ROBO2: variants seen among roughly 807,000 people sequenced by gnomAD.
The protein encoded by ROBO2 is roundabout guidance receptor 2.
Under a neutral mutation model 160.8 loss-of-function variants are expected in ROBO2, and 53 were observed. The ratio of observed to expected loss-of-function variants is 0.33; its 90% CI spans 0.26 to 0.41. The LOEUF is 0.41. Ranked by LOEUF, ROBO2 falls within the 10% of genes least tolerant of loss-of-function variation. ROBO2 has a pLI of 1.00. For missense variants in ROBO2, 1,577 were observed against 1,722.4 expected, an observed-to-expected ratio of 0.92 and a Z score of 1.49; for synonymous variants, 664 against 611.7, an observed-to-expected ratio of 1.09 and a Z score of -1.26.
intron 2 of ROBO2, among the ~76,000 whole-genome samples, chr3:76,255,863 A>G (rs906277547): frequency 1.3e-5 from 2 of 152,116 alleles, no homozygotes; most frequent in Non-Finnish European, 2.9e-5. Flanking sequence ...AATAAAATGA[A>G]TCAGTAGTAG....
chr3:76,129,736 A>T (rs1214041840), intron 2 of ROBO2, among the ~76,000 whole-genome samples: 2 of 152,100 alleles, frequency 1.3e-5, no homozygotes, highest in Admixed American at 1.3e-4. Flanking sequence ...TAGAGTCAGT[A>T]ATCTTGATGA....
At chr3:77,042,138 C>A (rs1012856841) in intron 1 of ROBO2, among the ~76,000 whole-genome samples, 10 of 152,172 alleles carry the variant, frequency 6.6e-5, no homozygotes, top group Non-Finnish European at 1.5e-4. Flanking sequence ...ACATGAGTAC[C>A]TTTGCCCCCC....
chr3:76,079,110 T>C (rs1253834160), intron 2 of ROBO2, among the ~76,000 whole-genome samples: 2 of 152,082 alleles, frequency 1.3e-5, no homozygotes, highest in African/African-American at 4.8e-5. Flanking sequence ...ATTGATCTTA[T>C]AGATATAGGA....
At chr3:76,788,764 T>C (rs933386504) in intron 2 of ROBO2, among the ~76,000 whole-genome samples, 6 of 151,580 alleles carry the variant, frequency 4.0e-5, no homozygotes, top group Non-Finnish European at 8.9e-5. Context: ...TTCAAAGATG[T>C]CCACTAATAT....
At chr3:77,444,676 G>A (rs933423482) in intron 2 of ROBO2, among the ~76,000 whole-genome samples, 2 of 152,070 alleles carry the variant, frequency 1.3e-5, no homozygotes, top group African/African-American at 4.8e-5. Context: ...TGATACTGAA[G>A]GCTCTCAGTG....
chr3:77,154,123 G>GA (rs551098315), intron 2 of ROBO2, among the ~76,000 whole-genome samples: 37 of 148,968 alleles, frequency 2.5e-4, no homozygotes, highest in Admixed American at 1.7e-3. Flanking sequence ...GGATCAAACT[G>GA]AAAAAAAAAC....
chr3:76,459,272 T>C (rs895575207), intron 2 of ROBO2, among the ~76,000 whole-genome samples: 4 of 152,152 alleles, frequency 2.6e-5, no homozygotes, highest in African/African-American at 9.7e-5. Context: ...ATCCTAGTGA[T>C]ATATATACAT....
intron 2 of ROBO2, among the ~76,000 whole-genome samples, chr3:76,287,188 C>T (rs1244687275): frequency 1.3e-5 from 2 of 152,150 alleles, no homozygotes; most frequent in Non-Finnish European, 2.9e-5. Context: ...ATTAATTCAG[C>T]TTTGGACAGG....
chr3:76,381,890 C>T (rs188409415), intron 2 of ROBO2, among the ~76,000 whole-genome samples: 1 of 152,240 alleles, frequency 6.6e-6, no homozygotes, highest in East Asian at 1.9e-4. Flanking sequence ...CTGGGGAGCC[C>T]ACTGTCAAGC....
intron 2 of ROBO2, among the ~76,000 whole-genome samples, chr3:76,474,727 AGT>A (rs1381487849): frequency 6.6e-6 from 1 of 152,020 alleles, no homozygotes. Flanking sequence ...ATTTCACTCG[AGT>A]GTCTGGAATC....
At position 76,130,383 on chromosome 3, in the gene ROBO2, G is replaced by A. The variant is rs1037470771; in HGVS notation, c.109+192781G>A. Among the ~76,000 whole-genome samples the A allele has an allele frequency of 8.9e-4, 136 of 151,982 alleles. 3 individuals carry two copies. The highest frequency in any genetic ancestry group is 2.4e-4 in the Non-Finnish European group (16 of 67,986). ...ATGATGGCATAGTTTTCAGTTAAAA[G>A]GAAAATATTTCTCCATAAAAAACAC... On this transcript the variant is annotated intron_variant, in intron 2 of 26. Transcript: ENST00000487694.
chr3:75,977,188 C>G (rs979923300), intron 2 of ROBO2, among the ~76,000 whole-genome samples: 2 of 151,496 alleles, frequency 1.3e-5, no homozygotes, highest in African/African-American at 4.8e-5. Context: ...TCTCACCTGG[C>G]CTTACTCTGT....
intron 2 of ROBO2, among the ~76,000 whole-genome samples, chr3:77,118,250 T>C (rs2074395697): frequency 6.6e-6 from 1 of 152,182 alleles, no homozygotes; most frequent in South Asian, 2.1e-4. Context: ...TTGGAAAATG[T>C]TGGGATGAAT....
At chr3:76,254,889 A>G (rs1337112932) in intron 2 of ROBO2, among the ~76,000 whole-genome samples, 1 of 152,092 alleles carries the variant, frequency 6.6e-6, no homozygotes, top group Non-Finnish European at 1.5e-5. Flanking sequence ...TGTACCCAGG[A>G]GCTCACTGTA....
chr3:76,303,939 A>G (rs1355792050), intron 2 of ROBO2, among the ~76,000 whole-genome samples: 1 of 152,192 alleles, frequency 6.6e-6, no homozygotes, highest in Non-Finnish European at 1.5e-5. Context: ...GAATTCAGAG[A>G]TGTTCACTCT....
At chr3:76,787,908 T>C (rs1244125437) in intron 2 of ROBO2, among the ~76,000 whole-genome samples, 2 of 151,422 alleles carry the variant, frequency 1.3e-5, no homozygotes, top group African/African-American at 4.8e-5. Flanking sequence ...ATGATATTAG[T>C]ATTACGTATA....
chr3:76,239,943 T>C (rs1352319088), intron 2 of ROBO2, among the ~76,000 whole-genome samples: 4 of 151,948 alleles, frequency 2.6e-5, no homozygotes, highest in Admixed American at 2.6e-4. Context: ...TAAATGGGGC[T>C]TTGCAGGCAC....
At chr3:77,071,866 T>C (rs2067452955) in intron 1 of ROBO2, among the ~76,000 whole-genome samples, 1 of 152,100 alleles carries the variant, frequency 6.6e-6, no homozygotes, top group Admixed American at 6.6e-5. Flanking sequence ...ACCACTCTCA[T>C]TCCTCACAAG....
At chr3:77,550,411 T>C (rs970737134) in intron 7 of ROBO2, among the ~76,000 whole-genome samples, 6 of 152,064 alleles carry the variant, frequency 3.9e-5, no homozygotes, top group African/African-American at 1.4e-4. Flanking sequence ...GTGCGGTTTA[T>C]ACAACCCATA....
Sources: gnomAD v4.1 joint callset for allele counts (sites outside exome capture counted in the v4.1 genomes callset) on GRCh38, gnomAD v4.1.1 for gene constraint, MANE v1.5 for transcripts, NCBI Gene and HGNC (gene_info 2026-07-23, HGNC 2026-07-21) for gene names.